Variants in MYO3B observed in about 807,000 individuals in gnomAD.
MYO3B encodes myosin-IIIb.
In MYO3B, 156 loss-of-function variants were observed where a neutral mutation model predicts 174.6. That is an observed-to-expected ratio of 0.89 (90% confidence interval 0.78 to 1.02). The LOEUF is 1.02. Ranked by LOEUF, MYO3B falls within the 50% of genes least tolerant of loss-of-function variation. MYO3B has a pLI of 0.00. For synonymous variants in MYO3B, 563 were observed against 569.1 expected (o/e 0.99, Z 0.15); for missense variants, 1,632 against 1,639.4 (o/e 1.00, Z 0.08).
chr2:170,334,005 T>G (rs2093929792), intron 7 of MYO3B: 1 of 152,246 alleles, frequency 6.6e-6, no homozygotes. Flanking sequence ...GTCTGGCAGC[T>G]TTGCAATGTC....
rs553739487 is a variant in MYO3B, at chr2:170,507,262, C to A, written c.3370+5397C>A. On this transcript the variant is annotated intron_variant, in intron 28 of 34. Transcript: ENST00000408978. ...AGCCCTCCCCATCCGCCTACCCCCC[C>A]ATCTTCTAAACCTTTGTTTAACACA... is the stretch of plus-strand genomic sequence containing the variant. Among the ~76,000 whole-genome samples the A allele has an allele frequency of 6.6e-5, 10 of 152,306 alleles. No homozygotes were observed. In the South Asian group the frequency reaches 1.5e-3, roughly 22 times the overall value.
chr2:170,463,507 A>G, intron 24 of MYO3B, 62 bp downstream of exon 24: 3 of 1,422,076 alleles, frequency 2.1e-6, no homozygotes, highest in Non-Finnish European at 2.9e-6. Context: ...AAGCCTTCTT[A>G]TGAGATGCCC....
At chr2:170,302,223 T>G (rs1267468046) in intron 7 of MYO3B, among the ~76,000 whole-genome samples, 1 of 152,192 alleles carries the variant, frequency 6.6e-6, no homozygotes, top group East Asian at 1.9e-4. Flanking sequence ...GTGACTAAGA[T>G]TCTTGTATGT....
intron 32 of MYO3B, among the ~76,000 whole-genome samples, chr2:170,596,320 G>C (rs1185200891): frequency 6.6e-6 from 1 of 152,228 alleles, no homozygotes; most frequent in Non-Finnish European, 1.5e-5. Context: ...CCCAAAAGCT[G>C]TCGCTTCAGG....
In MYO3B at chr2:170,387,255, G is replaced by C. The variant is rs1339569158; in HGVS notation, c.1524G>C (p.Gly508=). 2 of 1,614,092 alleles carry C rather than the reference G, an allele frequency of 1.2e-6. No individual in the cohort carries two copies. Among genetic ancestry groups the C allele is most frequent in the Admixed American group, 1.7e-5 (1 of 60,014 alleles). The change falls in exon 14 of 35, where the codon GGG becomes GGC. Residue 508 remains glycine, a synonymous_variant. Transcript: ENST00000408978. The part of the protein sequence containing the change: ...MMFTPTGVVM[G]ARISEYLLEK... ...TTACACCAACTGGAGTTGTGATGGG[G>C]GCAAGAATCTCTGAATATCTCCTGG...
Position 170,466,526 on chromosome 2 carries a change from C to G in MYO3B, c.2829C>G (p.Leu943=), listed in dbSNP as rs1352560659. 3 of 1,614,064 alleles carry G rather than the reference C, an allele frequency of 1.9e-6. No individual in the cohort carries two copies. The highest frequency in any genetic ancestry group is 2.7e-5 in the African/African-American group (2 of 74,924). Reference sequence around the variant, plus strand: ...GGTAGTATTCTCTGATGGACCTGCTCTCCAAAATGGTGGTTGGACAGCCCC... The same window carrying G: ...GGTAGTATTCTCTGATGGACCTGCTGTCCAAAATGGTGGTTGGACAGCCCC... The part of the protein sequence containing the change: ...SYFRYSLMDL[L]SKMVVGQPHF... Residue 943 remains leucine (L), a synonymous_variant, in exon 25 of 35, where the codon CTC becomes CTG. Coordinates refer to ENST00000408978, the MANE Select transcript of MYO3B (RefSeq NM_138995.5).
Position 170,417,151 on chromosome 2 carries a change from A to G in MYO3B, c.2650+9307A>G, listed in dbSNP as rs577027206. Among the ~76,000 whole-genome samples, 6 of 152,170 alleles carry G rather than the reference A, an allele frequency of 3.9e-5. No individual in the cohort carries two copies. The South Asian group carries it at 8.3e-4, about 21-fold the overall frequency. ...ATCTCTTTCTTCTGACCCAGAATTT[A>G]AGCTCAAATGTCACCTCCAAAGAGA... is the stretch of plus-strand genomic sequence containing the variant. On this transcript the variant is annotated intron_variant, in intron 22 of 34. Transcript: ENST00000408978.
chr2:170,466,940 A>G (rs1448183816), intron 25 of MYO3B, among the ~76,000 whole-genome samples: 3 of 152,308 alleles, frequency 2.0e-5, no homozygotes, highest in East Asian at 1.9e-4. Flanking sequence ...TTAAATTTCC[A>G]TATACGTTTA....
chr2:170,413,410 A>G (rs1239758640), intron 22 of MYO3B, among the ~76,000 whole-genome samples: 1 of 152,158 alleles, frequency 6.6e-6, no homozygotes, highest in East Asian at 1.9e-4. Context: ...GGTTGTGAGG[A>G]GGAAGAAATG....
chr2:170,410,199 G>T (rs1392681112), intron 22 of MYO3B, among the ~76,000 whole-genome samples: 2 of 152,170 alleles, frequency 1.3e-5, no homozygotes, highest in African/African-American at 4.8e-5. Context: ...CACTAGTTCA[G>T]TAAGCATATA....
At chr2:170,523,245 C>T (rs1356201698) in intron 30 of MYO3B, among the ~76,000 whole-genome samples, 1 of 152,226 alleles carries the variant, frequency 6.6e-6, no homozygotes, top group Admixed American at 6.5e-5. Flanking sequence ...TTCAAAGCCA[C>T]TTCTCAGCAC....
intron 23 of MYO3B, among the ~76,000 whole-genome samples, chr2:170,445,706 C>A (rs1410646723): frequency 6.6e-6 from 1 of 152,000 alleles, no homozygotes; most frequent in Non-Finnish European, 1.5e-5. Context: ...ATGATCATAT[C>A]TCACTGTAAC....
intron 22 of MYO3B, among the ~76,000 whole-genome samples, chr2:170,437,627 TA>T (rs2094764482): frequency 6.6e-6 from 1 of 152,228 alleles, no homozygotes; most frequent in South Asian, 2.1e-4. Context: ...TTTGTTTCCT[TA>T]TAAAGGCTCT....
intron 25 of MYO3B, among the ~76,000 whole-genome samples, chr2:170,482,159 C>CT (rs571671660): frequency 0.2 from 29,263 of 143,764 alleles, 2,946 homozygotes; most frequent in East Asian, 0.41. Context: ...AGTTCTCTCT[C>CT]TTTTTTTTTT....
intron 30 of MYO3B, among the ~76,000 whole-genome samples, chr2:170,536,114 C>T (rs6740014): frequency 0.031 from 4,754 of 152,256 alleles, 179 homozygotes; most frequent in East Asian, 0.13. Context: ...GAAAAGAAAA[C>T]AAATGAGAAT....
intron 32 of MYO3B, among the ~76,000 whole-genome samples, chr2:170,582,546 G>A (rs898036123): frequency 1.2e-4 from 18 of 152,114 alleles, no homozygotes; most frequent in Admixed American, 5.2e-4. Flanking sequence ...GCTCAGCAAG[G>A]CCTTGTTCTC....
At chr2:170,555,894 A>C (rs1328817358) in intron 32 of MYO3B, among the ~76,000 whole-genome samples, 2 of 133,604 alleles carry the variant, frequency 1.5e-5, no homozygotes, top group Non-Finnish European at 3.3e-5. Flanking sequence ...AATAATATGC[A>C]TTTAAGATTC....
intron 8 of MYO3B, among the ~76,000 whole-genome samples, chr2:170,357,038 C>T (rs2094127431): frequency 6.6e-6 from 1 of 152,202 alleles, no homozygotes; most frequent in Admixed American, 6.5e-5. Context: ...CTGGCTCAGC[C>T]TCCCAAAGTG....
chr2:170,500,817 G>A (rs2106081844), intron 27 of MYO3B, among the ~76,000 whole-genome samples: 1 of 152,310 alleles, frequency 6.6e-6, no homozygotes, highest in Middle Eastern at 3.4e-3. Context: ...TAGTCCAGAT[G>A]GAACTTATAA....
Sources: gnomAD v4.1 joint callset for allele counts (sites outside exome capture counted in the v4.1 genomes callset) on GRCh38, gnomAD v4.1.1 for gene constraint, MANE v1.5 for transcripts, NCBI Gene and HGNC (gene_info 2026-07-23, HGNC 2026-07-21) for gene names.